The following CEP290 variants were observed in gnomAD, a reference collection of about 807,000 sequenced individuals.
CEP290 encodes centrosomal protein 290, also known as centrosomal protein of 290 kDa.
In CEP290, 317 loss-of-function variants were observed where a neutral mutation model predicts 344.9. That is an observed-to-expected ratio of 0.92 (90% confidence interval 0.84 to 1.01). The LOEUF (loss-of-function observed/expected upper bound fraction) is 1.01, where lower values mean the gene tolerates loss of function less well. Ranked by LOEUF, CEP290 falls within the 50% of genes least tolerant of loss-of-function variation. The probability of loss-of-function intolerance (pLI) is 0.00; values close to 1 mark genes in which losing one functional copy is unlikely to be tolerated. For synonymous variants in CEP290, 932 were observed against 895.8 expected (o/e 1.04, Z -0.72); for missense variants, 2,754 against 2,761.4 (o/e 1.00, Z 0.06).
At position 88,084,570 on chromosome 12, in the gene CEP290, T is replaced by C. The variant is rs559388032; in HGVS notation, c.4704+16A>G. 5.7e-6 allele frequency: 9 copies of C among 1,591,954 alleles called. No homozygotes were observed. The African/African-American group carries it at 8.1e-5, about 14-fold the overall frequency. On this transcript the variant is annotated intron_variant, in intron 35 of 53. Coordinates refer to ENST00000552810, the MANE Select transcript of CEP290 (RefSeq NM_025114.4). ...AACTAATGGATAACAGCATAACTCA[T>C]AATATAATAAAATACCTCTCTGGCT...
At chr12:88,088,177 C>T (rs910605701) in intron 31 of CEP290, among the ~76,000 whole-genome samples, 2 of 152,156 alleles carry the variant, frequency 1.3e-5, no homozygotes, top group Admixed American at 6.5e-5. Context: ...GAATGGACAT[C>T]ACTAATATTC....
chr12:88,120,073 A>G, intron 15 of CEP290, 41 bp downstream of exon 15: 1 of 1,317,650 alleles, frequency 7.6e-7, no homozygotes, highest in Non-Finnish European at 1.0e-6. Context: ...AAGACTTGTA[A>G]ATCAGGTTGC....
At chr12:88,136,296 C>T in intron 6 of CEP290, 3 of 215,402 alleles carry the variant, frequency 1.4e-5, no homozygotes, top group South Asian at 7.7e-5. Flanking sequence ...TAACTTTTAC[C>T]CAAAATAAAC....
At chr12:88,051,969 A>T (rs1190128692) in intron 52 of CEP290, among the ~76,000 whole-genome samples, 1 of 152,160 alleles carries the variant, frequency 6.6e-6, no homozygotes, top group Non-Finnish European at 1.5e-5. Context: ...ATACATTTAG[A>T]TTTTAATCCT....
In CEP290 at chr12:88,059,988, C is replaced by T. The variant is rs1282398701; in HGVS notation, c.6555G>A (p.Gly2185=). Residue 2185 remains glycine, a synonymous_variant, in exon 48 of 54, where the codon GGG becomes GGA. Coordinates refer to ENST00000552810, the MANE Select transcript of CEP290 (RefSeq NM_025114.4). ...ATTCATAGTGCATGCTCAACTGATG[C>T]CCAAGATGAGCTTTAAGTTTTTCTA... ...AELEKLKAHL[G]HQLSMHYESK... The T allele has an allele frequency of 4.5e-6, 7 of 1,570,628 alleles. No homozygotes were observed. Among genetic ancestry groups the T allele is most frequent in the Non-Finnish European group, 6.0e-6 (7 of 1,160,120 alleles).
chr12:88,081,165 A>T (rs1244399472), intron 37 of CEP290, among the ~76,000 whole-genome samples: 2 of 152,198 alleles, frequency 1.3e-5, no homozygotes, highest in Non-Finnish European at 2.9e-5. Flanking sequence ...ACTGGATACC[A>T]GTAGCACCCC....
At chr12:88,096,298 C>T (rs950412389) in intron 27 of CEP290, among the ~76,000 whole-genome samples, 47 of 152,150 alleles carry the variant, frequency 3.1e-4, no homozygotes, top group Non-Finnish European at 6.8e-4. Context: ...ATCTGCTCTC[C>T]TCAGCCTCCC....
At chr12:88,050,229 A>G in intron 53 of CEP290, 125 bp downstream of exon 53, 1 of 589,690 alleles carries the variant, frequency 1.7e-6, no homozygotes, top group Non-Finnish European at 3.0e-6. Context: ...TTAACTTTGC[A>G]ATATAAAGGT....
At position 88,062,756 on chromosome 12, in the gene CEP290, T is replaced by A. The variant is rs757246086; in HGVS notation, c.6293A>T (p.Glu2098Val). 48 of 1,587,130 alleles carry A rather than the reference T, an allele frequency of 3.0e-5. No individual in the cohort carries two copies. Among genetic ancestry groups the A allele is most frequent in the Non-Finnish European group, 3.9e-5 (46 of 1,164,900 alleles). ...TTCTTTCTTAAGAAATTCACACATT[T>A]CCTTCAAATCTCTGACTTGATTCTG... ...RLKNQVRDLK[E>V]MCEFLKKEKA... Residue 2098 changes from glutamate to valine, a missense_variant, in exon 46 of 54, where the codon GAA becomes GTA. Coordinates refer to ENST00000552810, the MANE Select transcript of CEP290 (RefSeq NM_025114.4).
intron 5 of CEP290, among the ~76,000 whole-genome samples, chr12:88,138,033 T>C (rs2040438716): frequency 6.6e-6 from 1 of 152,162 alleles, no homozygotes; most frequent in Non-Finnish European, 1.5e-5. Context: ...ATAACTTTTG[T>C]TCTAGTCTAT....
intron 22 of CEP290, among the ~76,000 whole-genome samples, chr12:88,110,198 ATTATAT>A (rs1452952549): frequency 6.6e-6 from 1 of 152,158 alleles, no homozygotes; most frequent in Non-Finnish European, 1.5e-5. Flanking sequence ...TATATTTGTA[ATTATAT>A]TTATAATGTA....
intron 13 of CEP290, among the ~76,000 whole-genome samples, chr12:88,121,942 C>G (rs2039429124): frequency 1.3e-5 from 2 of 152,120 alleles, no homozygotes; most frequent in Admixed American, 6.6e-5. Flanking sequence ...TTCCTAAATG[C>G]CTACTTGTAA....
At chr12:88,114,583 C>A (rs2038924755) in intron 19 of CEP290, 21 bp from the exon 20 acceptor site, 2 of 1,518,646 alleles carry the variant, frequency 1.3e-6, no homozygotes, top group Non-Finnish European at 1.8e-6. Flanking sequence ...ACAGTTTTCT[C>A]ATTGGATGAT....
rs146682673 is a variant in CEP290 at position 88,094,858 on chromosome 12, G to A, written c.3104-883C>T. Reference sequence around the variant, plus strand: ...TACAATACCAATAATGCCCCCTCCTGTTTTTCCAGCTTCATAAGTTCAAGT... The same window carrying A: ...TACAATACCAATAATGCCCCCTCCTATTTTTCCAGCTTCATAAGTTCAAGT... On this transcript the variant is annotated intron_variant, in intron 27 of 53. Coordinates refer to ENST00000552810, the MANE Select transcript of CEP290 (RefSeq NM_025114.4). Among the ~76,000 whole-genome samples, 1,105 of 152,058 alleles carry A rather than the reference G, an allele frequency of 7.3e-3. 33 individuals are homozygous for A. The highest frequency in any genetic ancestry group is 0.048 in the Admixed American group (733 of 15,288).
chr12:88,054,227 G>T (rs1297486906), intron 51 of CEP290, 113 bp downstream of exon 51: 2 of 669,072 alleles, frequency 3.0e-6, no homozygotes, highest in Non-Finnish European at 5.1e-6. Flanking sequence ...AGCCTGTTAG[G>T]CAGTAAAGTC....
intron 26 of CEP290, among the ~76,000 whole-genome samples, chr12:88,100,550 G>A (rs1349950819): frequency 6.6e-6 from 1 of 152,108 alleles, no homozygotes; most frequent in Non-Finnish European, 1.5e-5. Flanking sequence ...TCACTCTCAT[G>A]TATTAGCTTG....
At chr12:88,090,668 T>C in intron 30 of CEP290, 60 bp downstream of exon 30, 5 of 1,005,366 alleles carry the variant, frequency 5.0e-6, no homozygotes, top group Non-Finnish European at 7.6e-6. Context: ...ACTCCCAACA[T>C]CTAATGTAAA....
At chr12:88,133,128 T>A (rs2040175151) in intron 6 of CEP290, among the ~76,000 whole-genome samples, 1 of 149,140 alleles carries the variant, frequency 6.7e-6, no homozygotes, top group Non-Finnish European at 1.5e-5. Context: ...AAGGCTAGAG[T>A]CCAGTGGTGC....
intron 45 of CEP290, among the ~76,000 whole-genome samples, chr12:88,063,114 A>G (rs1202173661): frequency 6.6e-6 from 1 of 150,688 alleles, no homozygotes; most frequent in African/African-American, 2.4e-5. Flanking sequence ...GGTTCTATCA[A>G]TGTAAAAACC....
Sources: gnomAD v4.1 joint callset for allele counts (sites outside exome capture counted in the v4.1 genomes callset) on GRCh38, gnomAD v4.1.1 for gene constraint, MANE v1.5 for transcripts, NCBI Gene and HGNC (gene_info 2026-07-23, HGNC 2026-07-21) for gene names.